KCNIP4: variants seen among roughly 807,000 people sequenced by gnomAD.
KCNIP4 encodes the protein potassium voltage-gated channel interacting protein 4, also known as Kv channel-interacting protein 4.
KCNIP4 carries 12 observed loss-of-function variants against 34.0 expected under a neutral mutation model. The ratio of observed to expected loss-of-function variants is 0.35; its 90% CI spans 0.23 to 0.57. The LOEUF (loss-of-function observed/expected upper bound fraction) is 0.57. Ranked by LOEUF, KCNIP4 falls within the 20% of genes least tolerant of loss-of-function variation. The pLI is 0.83. For synonymous variants in KCNIP4, 124 were observed against 102.2 expected (o/e 1.21, Z -1.29); for missense variants, 238 against 311.7 (o/e 0.76, Z 1.78).
intron 1 of KCNIP4, among the ~76,000 whole-genome samples, chr4:21,548,167 G>T (rs67250899): frequency 0.36 from 54,409 of 151,916 alleles, 10,049 homozygotes; most frequent in South Asian, 0.52. Flanking sequence ...CCTGTTATCT[G>T]TTTAAAAACA....
At chr4:21,803,303 C>T (rs7681022) in intron 1 of KCNIP4, among the ~76,000 whole-genome samples, 15,939 of 152,058 alleles carry the variant, frequency 0.1, 2,829 homozygotes, top group African/African-American at 0.36. Flanking sequence ...GAAGAGTCTA[C>T]AACTCTCCAT....
At chr4:21,779,416 TGA>T (rs1577977267) in intron 1 of KCNIP4, among the ~76,000 whole-genome samples, 1 of 152,156 alleles carries the variant, frequency 6.6e-6, no homozygotes, top group Non-Finnish European at 1.5e-5. Context: ...TGAAAATTGA[TGA>T]GAGATTAAAA....
At chr4:21,042,807 T>C (rs1329047741) in intron 1 of KCNIP4, among the ~76,000 whole-genome samples, 1 of 152,194 alleles carries the variant, frequency 6.6e-6, no homozygotes. Context: ...AATTATTATG[T>C]GTCAATCGTG....
chr4:21,562,553 G>A (rs927068006), intron 1 of KCNIP4, among the ~76,000 whole-genome samples: 2 of 152,154 alleles, frequency 1.3e-5, no homozygotes, highest in Admixed American at 6.6e-5. Flanking sequence ...TGGGAATTTC[G>A]TGGTAACTTG....
chr4:21,606,740 C>T (rs776790813), intron 1 of KCNIP4, among the ~76,000 whole-genome samples: 127 of 152,222 alleles, frequency 8.3e-4, no homozygotes, highest in Non-Finnish European at 1.4e-3. Flanking sequence ...ATAACAGGAG[C>T]GCATCACTAC....
intron 1 of KCNIP4, among the ~76,000 whole-genome samples, chr4:20,908,833 C>A (rs1228972565): frequency 2.6e-5 from 4 of 152,180 alleles, no homozygotes; most frequent in African/African-American, 9.7e-5. Context: ...GTACTTGTCT[C>A]ATTTAGTTCT....
intron 1 of KCNIP4, among the ~76,000 whole-genome samples, chr4:21,201,483 A>C (rs1333496658): frequency 6.6e-6 from 1 of 152,136 alleles, no homozygotes; most frequent in Non-Finnish European, 1.5e-5. Context: ...AATTGTGATC[A>C]TCTACTGCCC....
intron 1 of KCNIP4, among the ~76,000 whole-genome samples, chr4:21,154,074 C>T (rs184982022): frequency 1.8e-4 from 27 of 152,262 alleles, no homozygotes; most frequent in South Asian, 1.2e-3. Context: ...TGATGAATTG[C>T]ATCATCTCCA....
chr4:20,844,943 G>A (rs1303545328), intron 3 of KCNIP4, among the ~76,000 whole-genome samples: 1 of 152,166 alleles, frequency 6.6e-6, no homozygotes, highest in Non-Finnish European at 1.5e-5. Context: ...CCCAAGGAGG[G>A]TGTCTGGATA....
At chr4:20,828,144 A>G (rs956218792) in intron 3 of KCNIP4, among the ~76,000 whole-genome samples, 10 of 152,222 alleles carry the variant, frequency 6.6e-5, no homozygotes, top group South Asian at 2.1e-4. Context: ...AAAAAGCTAC[A>G]GGGATCAGGC....
chr4:21,199,311 C>T (rs993679199), intron 1 of KCNIP4, among the ~76,000 whole-genome samples: 18 of 152,310 alleles, frequency 1.2e-4, no homozygotes, highest in Middle Eastern at 6.8e-3. Flanking sequence ...ATTTGCATTT[C>T]TCTGATGGCC....
At chr4:21,029,337 C>T (rs1740815448) in intron 1 of KCNIP4, among the ~76,000 whole-genome samples, 1 of 152,100 alleles carries the variant, frequency 6.6e-6, no homozygotes, top group African/African-American at 2.4e-5. Flanking sequence ...TCGTTCCTAC[C>T]TCATAAGATT....
chr4:21,842,445 C>T (rs1723741246), intron 1 of KCNIP4, among the ~76,000 whole-genome samples: 1 of 151,998 alleles, frequency 6.6e-6, no homozygotes, highest in Admixed American at 6.6e-5. Flanking sequence ...TATGTCATTA[C>T]TTCAAATATT....
At chr4:20,780,648 T>TAAA (rs958914568) in intron 3 of KCNIP4, among the ~76,000 whole-genome samples, 3 of 152,140 alleles carry the variant, frequency 2.0e-5, no homozygotes, top group African/African-American at 7.2e-5. Context: ...TGCAGGCTTT[T>TAAA]CCAGGAACAG....
intron 3 of KCNIP4, among the ~76,000 whole-genome samples, chr4:20,763,309 A>G (rs895257335): frequency 5.9e-5 from 9 of 152,132 alleles, no homozygotes; most frequent in African/African-American, 2.2e-4. Flanking sequence ...ACAGTTAAAA[A>G]CCACGTAGTA....
chr4:21,042,892 C>T (rs1039101704), intron 1 of KCNIP4, among the ~76,000 whole-genome samples: 13 of 152,114 alleles, frequency 8.5e-5, no homozygotes, highest in Non-Finnish European at 1.8e-4. Context: ...GGATAATAAA[C>T]ATTATGCAAC....
chr4:21,709,658 A>C (rs1713566517), intron 1 of KCNIP4, among the ~76,000 whole-genome samples: 1 of 152,254 alleles, frequency 6.6e-6, no homozygotes, highest in African/African-American at 2.4e-5. Flanking sequence ...ATTATTAAAA[A>C]ATAACGGTAG....
intron 1 of KCNIP4, among the ~76,000 whole-genome samples, chr4:21,905,943 C>T (rs1289464184): frequency 6.6e-6 from 1 of 152,132 alleles, no homozygotes; most frequent in Non-Finnish European, 1.5e-5. Flanking sequence ...CACTGACTTG[C>T]CACACGTAAC....
At chr4:21,758,638 G>C (rs1717826005) in intron 1 of KCNIP4, among the ~76,000 whole-genome samples, 1 of 152,162 alleles carries the variant, frequency 6.6e-6, no homozygotes, top group Non-Finnish European at 1.5e-5. Context: ...TGGAATTAGA[G>C]ATTCCCAGCC....
Sources: allele counts gnomAD v4.1 joint callset (sites outside exome capture counted in the v4.1 genomes callset), GRCh38; gene constraint gnomAD v4.1.1; transcripts MANE v1.5; gene names NCBI Gene and HGNC (gene_info 2026-07-23, HGNC 2026-07-21).